Variants in ANKRD44 observed in about 807,000 individuals in gnomAD.
The protein encoded by ANKRD44 is ankyrin repeat domain 44, also known as serine/threonine-protein phosphatase 6 regulatory ankyrin repeat subunit B.
Under a neutral mutation model 116.0 loss-of-function variants are expected in ANKRD44, and 35 were observed. That is an observed-to-expected ratio of 0.30 (90% CI 0.23 to 0.40). The LOEUF is 0.40. ANKRD44 is among the 10% of genes least tolerant of loss of function. ANKRD44 has a pLI of 1.00. For missense variants in ANKRD44, 1,014 were observed against 1,242.6 expected (o/e 0.82, Z 2.77); for synonymous variants, 435 against 461.8 (o/e 0.94, Z 0.74).
intron 1 of ANKRD44, among the ~76,000 whole-genome samples, chr2:197,268,726 C>T (rs1349870392): frequency 6.6e-6 from 1 of 152,150 alleles, no homozygotes; most frequent in Admixed American, 6.5e-5. Context: ...CTGCATGCAT[C>T]TGCTTTTCAT....
chr2:197,059,083 T>C (rs2077259880), intron 16 of ANKRD44, among the ~76,000 whole-genome samples: 1 of 152,136 alleles, frequency 6.6e-6, no homozygotes, highest in South Asian at 2.1e-4. Flanking sequence ...ATGGTGGTAA[T>C]TTACTTTCTG....
chr2:196,975,625 TA>T (rs113571103), intron 21 of ANKRD44, among the ~76,000 whole-genome samples: 2,294 of 106,292 alleles, frequency 0.022, 19 homozygotes, highest in African/African-American at 0.026. Context: ...TTTTTTTTTT[TA>T]AAAAAAATAC....
rs554282199 is a variant in ANKRD44 at position 197,285,123 on chromosome 2, GC to G, written c.27+25454del. Among the ~76,000 whole-genome samples the G allele has an allele frequency of 2.3e-3, 347 of 151,716 alleles. 2 individuals carry two copies. Among genetic ancestry groups the G allele is most frequent in the South Asian group, 9.4e-3 (45 of 4,790 alleles). On this transcript the variant is annotated intron_variant, in intron 1 of 27. Coordinates refer to ENST00000282272, the MANE Select transcript of ANKRD44 (RefSeq NM_001195144.2). ...CACTAGTCTCTACTTGAATCCCTCA[GC>G]CCACCCACATCACATTCTGCAGGAA...
Position 197,156,034 on chromosome 2 carries a change from A to G in ANKRD44, c.112-8929T>C, listed in dbSNP as rs2079801193. On this transcript the variant is annotated intron_variant, in intron 2 of 27. Transcript: ENST00000282272. ...GATATTTCACCAAAGATATACAGAT[A>G]GCAAATAAGCATATAAAACAATGCT... 2.0e-5 allele frequency among the ~76,000 whole-genome samples: 3 copies of G among 152,244 alleles called. No homozygotes were observed. In the South Asian group the frequency reaches 6.2e-4, roughly 31 times the overall value.
At chr2:197,298,402 T>C (rs1392274393) in intron 1 of ANKRD44, among the ~76,000 whole-genome samples, 2 of 152,122 alleles carry the variant, frequency 1.3e-5, no homozygotes, top group African/African-American at 2.4e-5. Flanking sequence ...ACTAAGTCAA[T>C]AGATGTGTGG....
At chr2:197,145,893 C>T (rs190549709) in intron 3 of ANKRD44, among the ~76,000 whole-genome samples, 323 of 152,302 alleles carry the variant, frequency 2.1e-3, no homozygotes, top group Non-Finnish European at 3.8e-3. Flanking sequence ...GGCAGTGGCA[C>T]TTCCTCTAGA....
intron 6 of ANKRD44, among the ~76,000 whole-genome samples, chr2:197,123,637 T>C (rs1043257854): frequency 6.6e-6 from 1 of 152,044 alleles, no homozygotes; most frequent in Admixed American, 6.6e-5. Context: ...TCTCAAAAAA[T>C]AAATAAATAA....
chr2:197,109,189 T>C (rs936632195), intron 9 of ANKRD44, among the ~76,000 whole-genome samples: 1 of 152,208 alleles, frequency 6.6e-6, no homozygotes, highest in Non-Finnish European at 1.5e-5. Context: ...GTTTTGTTTG[T>C]TTTTAAAGGG....
At chr2:197,167,457 T>TAGG (rs759879513) in intron 2 of ANKRD44, among the ~76,000 whole-genome samples, 5 of 152,220 alleles carry the variant, frequency 3.3e-5, no homozygotes, top group Non-Finnish European at 5.9e-5. Flanking sequence ...TCAAGGATCT[T>TAGG]ATCTAAGAGC....
intron 8 of ANKRD44, 71 bp from the exon 9 acceptor site, chr2:197,110,915 CT>C: frequency 2.0e-6 from 2 of 993,110 alleles, no homozygotes; most frequent in Non-Finnish European, 3.3e-6. Flanking sequence ...TGAAATACCC[CT>C]ATGGACACTC....
intron 3 of ANKRD44, among the ~76,000 whole-genome samples, chr2:197,143,577 C>T (rs1056659203): frequency 6.6e-6 from 1 of 151,986 alleles, no homozygotes; most frequent in Non-Finnish European, 1.5e-5. Flanking sequence ...ATATGTGCCA[C>T]ATTTTCTTAA....
chr2:197,263,373 G>T, intron 1 of ANKRD44: 1 of 624,912 alleles, frequency 1.6e-6, no homozygotes, highest in South Asian at 1.7e-5. Context: ...CGGGCTCTGG[G>T]GCTGGGATTG....
At chr2:197,193,390 G>A (rs2080868896) in intron 1 of ANKRD44, among the ~76,000 whole-genome samples, 1 of 152,172 alleles carries the variant, frequency 6.6e-6, no homozygotes, top group South Asian at 2.1e-4. Flanking sequence ...AACAGTATCA[G>A]TTAAATTGAA....
chr2:197,170,954 G>A (rs562321889), intron 2 of ANKRD44, among the ~76,000 whole-genome samples: 1 of 152,216 alleles, frequency 6.6e-6, no homozygotes, highest in Admixed American at 6.5e-5. Context: ...TAAATTATTG[G>A]TCCCAGCTGA....
At chr2:197,026,377 A>T (rs1360519291) in intron 16 of ANKRD44, among the ~76,000 whole-genome samples, 1 of 152,218 alleles carries the variant, frequency 6.6e-6, no homozygotes, top group Admixed American at 6.5e-5. Flanking sequence ...TTGTAACTTT[A>T]TGTAGGGTGA....
intron 13 of ANKRD44, 103 bp downstream of exon 13, chr2:197,086,577 G>A (rs1461308897): frequency 2.7e-6 from 3 of 1,099,302 alleles, no homozygotes; most frequent in Non-Finnish European, 1.3e-6. Flanking sequence ...AATCCCCCCA[G>A]CTAACTTCCC....
chr2:197,221,113 T>C (rs12693814), intron 1 of ANKRD44, among the ~76,000 whole-genome samples: 118,711 of 151,894 alleles, frequency 0.78, 46,576 homozygotes, highest in East Asian at 0.88. Context: ...TAGCCAAGTG[T>C]GGTGGTGCAC....
Position 197,005,925 on chromosome 2 carries a change from T to C in ANKRD44, c.2131-15A>G, listed in dbSNP as rs1420968440. 6 of 1,613,096 alleles carry C rather than the reference T, an allele frequency of 3.7e-6. No homozygotes were observed. Among genetic ancestry groups the C allele is most frequent in the Non-Finnish European group, 5.1e-6 (6 of 1,179,276 alleles). ...CCTGTCATAATCTGATGCATTGTAA[T>C]TAAAAACACAAAACAAACCTCAGAA... On this transcript the variant is annotated splice_polypyrimidine_tract_variant and intron_variant, in intron 20 of 27. Transcript: ENST00000282272.
intron 15 of ANKRD44, among the ~76,000 whole-genome samples, chr2:197,079,116 C>A (rs1456047610): frequency 6.6e-6 from 1 of 151,914 alleles, no homozygotes; most frequent in Non-Finnish European, 1.5e-5. Flanking sequence ...GTAAGAACAT[C>A]TGTTATCAAG....
Sources: allele counts gnomAD v4.1 joint callset (sites outside exome capture counted in the v4.1 genomes callset), GRCh38; gene constraint gnomAD v4.1.1; transcripts MANE v1.5; gene names NCBI Gene and HGNC (gene_info 2026-07-23, HGNC 2026-07-21).